IKBKG: variants seen among roughly 807,000 people sequenced by gnomAD.
IKBKG encodes the protein NF-kappa-B essential modulator.
A neutral mutation model predicts 13.7 loss-of-function variants in IKBKG; 2 were observed. The observed-to-expected ratio is 0.15, with a 90% CI of 0.06 to 0.46. The LOEUF (loss-of-function observed/expected upper bound fraction) is 0.46. Ranked by LOEUF, IKBKG falls within the 20% of genes least tolerant of loss-of-function variation. The probability of loss-of-function intolerance (pLI) is 0.98; values close to 1 mark genes in which losing one functional copy is unlikely to be tolerated. For missense variants in IKBKG, 53 were observed against 150.3 expected (o/e 0.35, Z 3.39); for synonymous variants, 22 against 64.4 (o/e 0.34, Z 3.15).
At chrX:154,551,437 C>T (rs1028090094) in intron 1 of IKBKG, among the ~76,000 whole-genome samples, 2 of 111,103 alleles carry the variant, frequency 1.8e-5, no homozygotes, top group Admixed American at 1.9e-4. Flanking sequence ...CCTCCCCTTG[C>T]GTCTCCCTCT....
chrX:154,550,258 GTA>G (rs1314962998), intron 1 of IKBKG, among the ~76,000 whole-genome samples: 31 of 102,705 alleles, frequency 3.0e-4, no homozygotes, highest in East Asian at 1.8e-3. Context: ...GTGTGTGTGT[GTA>G]TGTGTGTGTG....
chrX:154,542,705 G>C (rs782431835), upstream of IKBKG, among the ~76,000 whole-genome samples: 131 of 112,194 alleles, frequency 1.2e-3, no homozygotes, highest in Non-Finnish European at 1.9e-3. Context: ...TCTAGGTCAT[G>C]CTGAGCTTGT....
At chrX:154,542,439 T>C, upstream of IKBKG, 1 of 1,184,974 alleles carries the variant, frequency 8.4e-7, no homozygotes, top group Non-Finnish European at 1.1e-6. Flanking sequence ...GCCAGAGCTT[T>C]CTGGAAGGGG....
At chrX:154,544,932 G>C (rs782187243), upstream of IKBKG, among the ~76,000 whole-genome samples, 3 of 112,542 alleles carry the variant, frequency 2.7e-5, no homozygotes, top group Non-Finnish European at 5.6e-5. Flanking sequence ...AGTTTTGATA[G>C]AGCTCCTGCT....
At chrX:154,550,128 A>G (rs2070887053) in intron 1 of IKBKG, among the ~76,000 whole-genome samples, 1 of 110,592 alleles carries the variant, frequency 9.0e-6, no homozygotes, top group Admixed American at 9.7e-5. Context: ...AAAAACAACC[A>G]CAATATCATT....
chrX:154,546,836 C>G, upstream of IKBKG: 2 of 1,143,575 alleles, frequency 1.7e-6, no homozygotes, highest in Admixed American at 2.6e-5. Context: ...CCGAAGTGTA[C>G]GACCGTTTCC....
chrX:154,542,483 G>T, upstream of IKBKG: 1 of 1,154,498 alleles, frequency 8.7e-7, no homozygotes, highest in Non-Finnish European at 1.2e-6. Context: ...TCTGGTAGGG[G>T]TGGGAGTCCT....
chrX:154,547,651 C>T lies in IKBKG; in HGVS notation c.-110C>T. 1 of 754,993 alleles carries T rather than the reference C, an allele frequency of 1.3e-6. No individual in the cohort carries two copies. The highest frequency in any genetic ancestry group is 1.6e-6 in the Non-Finnish European group (1 of 639,470). 62.2% of individuals were successfully genotyped at this position (754,993 alleles called of 1,213,427 possible). A position where few individuals can be genotyped will look rare whatever the true frequency, so the allele number is the denominator to read the frequency against. On this transcript the variant is annotated 5_prime_UTR_variant, in exon 1 of 10. Transcript: ENST00000594239. ...CGGAAGCGTGGTAGGGAAGGGCGAC[C>T]GCGAAACTGGGACTTTCTCGGAGCG...
intron 2 of IKBKG, among the ~76,000 whole-genome samples, chrX:154,555,449 A>G (rs1557235829): frequency 1.8e-5 from 2 of 112,974 alleles, no homozygotes; most frequent in Non-Finnish European, 3.8e-5. Context: ...GCCCATGCCT[A>G]TAATCCCAGC....
chrX:154,542,480 G>A (rs782633369), upstream of IKBKG: 13 of 1,154,137 alleles, frequency 1.1e-5, no homozygotes, highest in African/African-American at 9.2e-5. Context: ...CTTTCTGGTA[G>A]GGGTGGGAGT....
chrX:154,551,916 G>T, intron 1 of IKBKG, 72 bp from the exon 2 acceptor site: 1 of 810,786 alleles, frequency 1.2e-6, no homozygotes, highest in Non-Finnish European at 1.7e-6. Context: ...TGTAGCCCCA[G>T]AACTCATAGG....
upstream of IKBKG, chrX:154,547,294 G>A (rs1603415973): frequency 5.4e-6 from 4 of 745,215 alleles, no homozygotes; most frequent in South Asian, 2.7e-4. Flanking sequence ...CACTCCCCCG[G>A]GAACCCTCGC....
upstream of IKBKG, among the ~76,000 whole-genome samples, chrX:154,542,686 C>T (rs1467498169): frequency 8.9e-6 from 1 of 112,057 alleles, no homozygotes; most frequent in African/African-American, 3.2e-5. Context: ...CACTTGCCTG[C>T]TTTCAGTTTC....
chrX:154,553,951 G>C (rs1409569069), intron 2 of IKBKG, among the ~76,000 whole-genome samples: 2 of 112,130 alleles, frequency 1.8e-5, no homozygotes, highest in Non-Finnish European at 1.9e-5. Flanking sequence ...ACAGCGTATG[G>C]CGCCCTTGCT....
At chrX:154,542,723 T>G (rs1458932474), upstream of IKBKG, among the ~76,000 whole-genome samples, 4 of 112,010 alleles carry the variant, frequency 3.6e-5, no homozygotes, top group African/African-American at 9.7e-5. Context: ...TGTTCCCAAC[T>G]CGGGGCTCCG....
chrX:154,545,161 C>A (rs954615214), upstream of IKBKG, among the ~76,000 whole-genome samples: 2 of 111,514 alleles, frequency 1.8e-5, no homozygotes, highest in African/African-American at 6.5e-5. Context: ...CCCTCCCTCC[C>A]CTCCCATGGA....
At chrX:154,547,800 C>T in intron 1 of IKBKG, 55 bp downstream of exon 1, 1 of 755,150 alleles carries the variant, frequency 1.3e-6, no homozygotes, top group Non-Finnish European at 1.6e-6. Context: ...CCGCCGCCTC[C>T]GAAACTTCCC....
upstream of IKBKG, among the ~76,000 whole-genome samples, chrX:154,542,779 G>C (rs1557232279): frequency 8.9e-6 from 1 of 111,858 alleles, no homozygotes; most frequent in Admixed American, 9.5e-5. Flanking sequence ...GGCCCTCTTT[G>C]TGGGATCTAT....
Position 154,547,751 on chromosome X carries a change from G to T in IKBKG, c.-16+6G>T, listed in dbSNP as rs782268091. ...CTGACGGACTCTGCTGACAGGTGTG[G>T]TCCTTTTCCCCAAAGACAGGGTTCC... On this transcript the variant is annotated splice_donor_region_variant and intron_variant, in intron 1 of 9. Coordinates refer to ENST00000594239, the MANE Select transcript of IKBKG (RefSeq NM_001099857.5). 4.0e-6 allele frequency: 3 copies of T among 754,018 alleles called. No homozygotes were observed. In the Admixed American group the frequency reaches 2.6e-4, roughly 65 times the overall value. The allele number at this position is 754,018 out of a possible 1,213,427, so 62.1% of individuals were successfully genotyped here.
Sources: allele counts gnomAD v4.1 joint callset (sites outside exome capture counted in the v4.1 genomes callset), GRCh38; gene constraint gnomAD v4.1.1; transcripts MANE v1.5; gene names NCBI Gene and HGNC (gene_info 2026-07-23, HGNC 2026-07-21).